The following IQCJ variants were observed in gnomAD, a reference collection of about 807,000 sequenced individuals.
IQCJ encodes IQ domain-containing protein J.
IQCJ carries 9 observed loss-of-function variants against 11.0 expected under a neutral mutation model. That is an observed-to-expected ratio of 0.82 (90% confidence interval 0.49 to 1.43). The LOEUF is 1.43. IQCJ is among the 40% of genes most tolerant of loss of function. IQCJ has a pLI of 0.00. For missense variants in IQCJ, 146 were observed against 133.2 expected (o/e 1.10, Z -0.47); for synonymous variants, 55 against 51.3 (o/e 1.07, Z -0.31).
chr3:159,107,468 AC>A (rs575014406), intron 1 of IQCJ, among the ~76,000 whole-genome samples: 85 of 152,218 alleles, frequency 5.6e-4, no homozygotes, highest in African/African-American at 1.9e-3. Flanking sequence ...TTGTTATATG[AC>A]CCCAAGGCGA....
At chr3:159,142,409 A>T (rs1720655775) in intron 1 of IQCJ, among the ~76,000 whole-genome samples, 1 of 113,258 alleles carries the variant, frequency 8.8e-6, no homozygotes, top group Admixed American at 9.5e-5. Context: ...AAGTGCACTG[A>T]GGGGCAGGTC....
chr3:159,180,589 G>C (rs1723040230), intron 1 of IQCJ, among the ~76,000 whole-genome samples: 1 of 151,948 alleles, frequency 6.6e-6, no homozygotes, highest in Non-Finnish European at 1.5e-5. Flanking sequence ...TGGATGGAGA[G>C]AGATAGGGCA....
intron 1 of IQCJ, among the ~76,000 whole-genome samples, chr3:159,177,401 A>G (rs1419551232): frequency 1.3e-5 from 2 of 152,108 alleles, no homozygotes; most frequent in African/African-American, 4.8e-5. Context: ...AGCAACTGAG[A>G]CTCTTTGCTG....
chr3:159,092,699 A>C (rs112264389), intron 1 of IQCJ, among the ~76,000 whole-genome samples: 17 of 141,598 alleles, frequency 1.2e-4, no homozygotes, highest in Non-Finnish European at 2.1e-4. Flanking sequence ...CTCCATCACA[A>C]ACACACACAC....
rs191299537 is a variant in IQCJ, at chr3:159,163,842, C to T, written c.10-82001C>T. 2.0e-3 allele frequency among the ~76,000 whole-genome samples: 312 copies of T among 152,292 alleles called. 1 individual carries two copies. Among genetic ancestry groups the T allele is most frequent in the African/African-American group, 7.2e-3 (301 of 41,558 alleles). Reference sequence around the variant, plus strand: ...GGGAAGTCTGGCTTCAAAGCCCACACCTGAACACTGCATACACTACGCTTG... The same window carrying T: ...GGGAAGTCTGGCTTCAAAGCCCACATCTGAACACTGCATACACTACGCTTG... On this transcript the variant is annotated intron_variant, in intron 1 of 3. Transcript: ENST00000397832.
At chr3:159,086,667 C>A (rs1716798912) in intron 1 of IQCJ, among the ~76,000 whole-genome samples, 1 of 151,808 alleles carries the variant, frequency 6.6e-6, no homozygotes, top group African/African-American at 2.4e-5. Flanking sequence ...GTATTTTATT[C>A]TCTTTGAAGC....
chr3:159,241,744 T>C (rs1330528847), intron 1 of IQCJ, among the ~76,000 whole-genome samples: 1 of 152,260 alleles, frequency 6.6e-6, no homozygotes, highest in Non-Finnish European at 1.5e-5. Context: ...GAGCAACTAC[T>C]ATGTGCTGGG....
chr3:159,117,281 T>G (rs149401079), intron 1 of IQCJ, among the ~76,000 whole-genome samples: 12 of 152,300 alleles, frequency 7.9e-5, no homozygotes, highest in African/African-American at 2.6e-4. Context: ...CTATTTCCAT[T>G]GCTGGAGATG....
chr3:159,161,417 A>C (rs1721849313), intron 1 of IQCJ, among the ~76,000 whole-genome samples: 1 of 152,050 alleles, frequency 6.6e-6, no homozygotes, highest in Non-Finnish European at 1.5e-5. Flanking sequence ...TTCATTGTAG[A>C]TTCTGGATAT....
At chr3:159,108,348 A>G (rs1279774961) in intron 1 of IQCJ, among the ~76,000 whole-genome samples, 1 of 142,490 alleles carries the variant, frequency 7.0e-6, no homozygotes, top group Non-Finnish European at 1.5e-5. Flanking sequence ...TTCTTATCTC[A>G]GCAAATAAAG....
Position 159,081,192 on chromosome 3 carries a change from T to C in IQCJ, c.9+11751T>C, listed in dbSNP as rs151216361. On this transcript the variant is annotated intron_variant, in intron 1 of 3. Coordinates refer to ENST00000397832, the MANE Select transcript of IQCJ (RefSeq NM_001042706.3). ...GTGTGATGACTTCAGAAGCTCTGAGTGCAACATCTTCATGAATACAGAGAC... is the reference window on the plus strand; with the variant it reads ...GTGTGATGACTTCAGAAGCTCTGAGCGCAACATCTTCATGAATACAGAGAC... 5.2e-4 allele frequency among the ~76,000 whole-genome samples: 79 copies of C among 152,172 alleles called. No homozygotes were observed. In the East Asian group the frequency reaches 0.012, roughly 23 times the overall value.
At chr3:159,091,422 A>G (rs1006933712) in intron 1 of IQCJ, among the ~76,000 whole-genome samples, 1 of 151,734 alleles carries the variant, frequency 6.6e-6, no homozygotes. Context: ...AAAGAGTTAT[A>G]GAGAGCTCTT....
At chr3:159,164,414 A>T (rs1417193048) in intron 1 of IQCJ, among the ~76,000 whole-genome samples, 1 of 152,216 alleles carries the variant, frequency 6.6e-6, no homozygotes, top group East Asian at 1.9e-4. Flanking sequence ...GTATTTTAAA[A>T]ATGCTTACTA....
chr3:159,151,304 G>A (rs1022874809), intron 1 of IQCJ, among the ~76,000 whole-genome samples: 13 of 152,168 alleles, frequency 8.5e-5, no homozygotes, highest in Non-Finnish European at 1.6e-4. Context: ...AATGCCAGCC[G>A]GCCCTGTGCT....
intron 2 of IQCJ, among the ~76,000 whole-genome samples, chr3:159,247,326 C>T (rs1408650303): frequency 6.6e-6 from 1 of 151,736 alleles, no homozygotes; most frequent in African/African-American, 2.4e-5. Flanking sequence ...AAACTCCTGA[C>T]CTCAAGTGAT....
intron 1 of IQCJ, among the ~76,000 whole-genome samples, chr3:159,200,507 G>A (rs1296775445): frequency 6.6e-6 from 1 of 152,154 alleles, no homozygotes; most frequent in Non-Finnish European, 1.5e-5. Context: ...CTTAGGTGGT[G>A]TTGATGCAGG....
chr3:159,136,500 G>A (rs1720297166), intron 1 of IQCJ, among the ~76,000 whole-genome samples: 1 of 152,080 alleles, frequency 6.6e-6, no homozygotes, highest in South Asian at 2.1e-4. Flanking sequence ...AGTTCATTTG[G>A]GCTGCTATAA....
At chr3:159,240,695 A>G (rs1045221707) in intron 1 of IQCJ, among the ~76,000 whole-genome samples, 2 of 152,156 alleles carry the variant, frequency 1.3e-5, no homozygotes, top group African/African-American at 4.8e-5. Flanking sequence ...CACACCTGTA[A>G]TCCCAGCACT....
At chr3:159,190,009 G>C (rs570157721) in intron 1 of IQCJ, among the ~76,000 whole-genome samples, 13 of 152,300 alleles carry the variant, frequency 8.5e-5, no homozygotes, top group African/African-American at 2.6e-4. Flanking sequence ...TTGTCAAGAA[G>C]TGAACCCTTA....
Sources: allele counts gnomAD v4.1 joint callset (sites outside exome capture counted in the v4.1 genomes callset), GRCh38; gene constraint gnomAD v4.1.1; transcripts MANE v1.5; gene names NCBI Gene and HGNC (gene_info 2026-07-23, HGNC 2026-07-21).